The following DCST1 variants were observed in gnomAD, a reference collection of about 807,000 sequenced individuals.
The protein encoded by DCST1 is E3 ubiquitin-protein ligase DCST1.
A neutral mutation model predicts 89.1 loss-of-function variants in DCST1; 78 were observed. That is an observed-to-expected ratio of 0.88 (90% CI 0.73 to 1.06). DCST1 has a LOEUF of 1.06. Among genes scored for constraint, DCST1 ranks in the 50% least tolerant of loss-of-function variants. DCST1 has a pLI of 0.00. For missense variants in DCST1, 900 were observed against 928.6 expected, an observed-to-expected ratio of 0.97 and a Z score of 0.40; for synonymous variants, 364 against 371.9, an observed-to-expected ratio of 0.98 and a Z score of 0.24.
chr1:155,041,926 G>A, intron 8 of DCST1, 69 bp downstream of exon 8: 1 of 1,593,968 alleles, frequency 6.3e-7, no homozygotes, highest in Non-Finnish European at 8.6e-7. Context: ...CCACTGGTAG[G>A]TGACAGGCAG....
chr1:155,042,540 G>A (rs1660467909), intron 8 of DCST1, among the ~76,000 whole-genome samples, 195 bp from the exon 9 acceptor site: 1 of 152,194 alleles, frequency 6.6e-6, no homozygotes, highest in Non-Finnish European at 1.5e-5. Context: ...AAAAATGAGG[G>A]AACTCAGGTC....
In DCST1 at chr1:155,046,141, T is replaced by C. The variant is rs1660615627; in HGVS notation, c.1289T>C (p.Leu430Pro). 5.0e-6 allele frequency: 8 copies of C among 1,614,214 alleles called. No homozygotes were observed. The highest frequency in any genetic ancestry group is 1.3e-5 in the African/African-American group (1 of 75,038). Reference sequence around the variant, plus strand: ...GTTTTCCAGGGCAAACGGACTCTGCTGCCACTCCGCAAAGCTGAGGAGAAA... The same window carrying C: ...GTTTTCCAGGGCAAACGGACTCTGCCGCCACTCCGCAAAGCTGAGGAGAAA... ...RRKKLGKRTL[L>P]PLRKAEEKTV... Residue 430 changes from leucine to proline, a missense_variant, in exon 12 of 17, where the codon CTG (leucine) becomes CCG (proline). By Grantham distance (98) the Leu-to-Pro change is moderately conservative (BLOSUM62 -3). Transcript: ENST00000295542.
chr1:155,042,624 G>A, intron 8 of DCST1, 111 bp from the exon 9 acceptor site: 1 of 1,459,998 alleles, frequency 6.8e-7, no homozygotes, highest in South Asian at 1.2e-5. Flanking sequence ...CAAGCCATGG[G>A]CAGAGAGACA....
At position 155,046,481 on chromosome 1, in the gene DCST1, T is replaced by G; in HGVS notation, c.1490T>G (p.Phe497Cys). 6.2e-7 allele frequency: 1 copy of G among 1,613,762 alleles called. No homozygotes were observed. The highest frequency in any genetic ancestry group is 1.7e-4 in the Middle Eastern group (1 of 6,034). ...IRHHSFLQYS[F>C]RSSHKLEVKV... ...CACCACTCCTTCCTGCAGTACTCCT[T>G]CCGCAGTAAGCCCATCCCCCAGACA... Residue 497 changes from phenylalanine to cysteine, a missense_variant, in exon 13 of 17, where the codon TTC becomes TGC. Phe to Cys is a radical substitution (Grantham distance 205). Transcript: ENST00000295542.
At chr1:155,036,340 C>T (rs978193102) in intron 4 of DCST1, among the ~76,000 whole-genome samples, 5 of 152,216 alleles carry the variant, frequency 3.3e-5, no homozygotes, top group Non-Finnish European at 5.9e-5. Flanking sequence ...CACACAGCCC[C>T]TTAGATTTCT....
At chr1:155,043,593 C>A in intron 10 of DCST1, 84 bp downstream of exon 10, 1 of 1,428,746 alleles carries the variant, frequency 7.0e-7, no homozygotes, top group South Asian at 1.4e-5. Flanking sequence ...GGATGGAACC[C>A]TAGCACCTAT....
chr1:155,034,792 C>A (rs1353836301), intron 4 of DCST1, 65 bp downstream of exon 4: 39 of 1,556,114 alleles, frequency 2.5e-5, no homozygotes, highest in Non-Finnish European at 3.2e-5. Flanking sequence ...GTCCTGCATG[C>A]CCAGGAAGGA....
rs147244512 is a variant in DCST1 at position 155,039,509 on chromosome 1, C to T, written c.369C>T (p.Tyr123=). The T allele has an allele frequency of 2.8e-5, 45 of 1,599,670 alleles. No homozygotes were observed. Among genetic ancestry groups the T allele is most frequent in the African/African-American group, 1.5e-4 (11 of 74,618 alleles). The change falls in exon 5 of 17, where the codon TAC becomes TAT. Residue 123 remains tyrosine (Y), a synonymous_variant. Transcript: ENST00000295542. ...AAGGCAGGCTCTTTGTCCTGGGATACGCCTTGGCTGCCATCTATGTGGGTG... is the reference window on the plus strand; with the variant it reads ...AAGGCAGGCTCTTTGTCCTGGGATATGCCTTGGCTGCCATCTATGTGGGTG... ...GKEGRLFVLG[Y]ALAAIYVGPV...
At chr1:155,034,412 G>C (rs1660202541) in intron 2 of DCST1, 23 bp from the exon 3 acceptor site, 1 of 1,613,720 alleles carries the variant, frequency 6.2e-7, no homozygotes, top group African/African-American at 1.3e-5. Flanking sequence ...GTGGGCTGTT[G>C]AGCTACCCTG....
chr1:155,040,403 AC>A, intron 5 of DCST1, 81 bp from the exon 6 acceptor site: 1 of 1,470,488 alleles, frequency 6.8e-7, no homozygotes, highest in Non-Finnish European at 9.2e-7. Context: ...GGCGATGGGC[AC>A]TATTTGCAGA....
Position 155,041,794 on chromosome 1 carries a change from C to G in DCST1, c.829C>G (p.Pro277Ala). The change falls in exon 8 of 17, where the codon CCA becomes GCA. Residue 277 changes from proline to alanine, a missense_variant. Physicochemically the swap from Pro to Ala is conservative, Grantham distance 27. Transcript: ENST00000295542. ...ACAGTGCATGAAGCACATCTGGGTC[C>G]CACTCCTCACCCACCTGCTCTGCCT... Reference protein sequence around the residue: ...HEQCMKHIWVPLLTHLLCLPM... With the variant: ...HEQCMKHIWVALLTHLLCLPM... The G allele has an allele frequency of 6.2e-7, 1 of 1,614,252 alleles. No homozygotes were observed. The highest frequency in any genetic ancestry group is 8.5e-7 in the Non-Finnish European group (1 of 1,180,050).
chr1:155,044,032 C>T (rs1459424718), intron 10 of DCST1, among the ~76,000 whole-genome samples: 1 of 152,222 alleles, frequency 6.6e-6, no homozygotes, highest in Non-Finnish European at 1.5e-5. Context: ...CTCCCAAACA[C>T]CTGAGATGGG....
chr1:155,049,738 C>A (rs1660815129), intron 16 of DCST1, among the ~76,000 whole-genome samples: 2 of 152,080 alleles, frequency 1.3e-5, no homozygotes, highest in Admixed American at 6.6e-5. Flanking sequence ...ATACCCCCAG[C>A]CCCCATGACA....
chr1:155,044,159 A>G (rs1277770101), intron 10 of DCST1, among the ~76,000 whole-genome samples: 1 of 152,176 alleles, frequency 6.6e-6, no homozygotes, highest in African/African-American at 2.4e-5. Flanking sequence ...GGGAAGACAA[A>G]GATGAAGGAG....
Position 155,043,410 on chromosome 1 carries a change from A to AGGTGC in DCST1, c.1076_1080dup (p.Asp361CysfsTer95). 2 of 1,613,944 alleles carry AGGTGC rather than the reference A, an allele frequency of 1.2e-6. No individual in the cohort carries two copies. The highest frequency in any genetic ancestry group is 1.7e-6 in the Non-Finnish European group (2 of 1,179,938). On this transcript the variant is annotated frameshift_variant, in exon 10 of 17. Coordinates refer to ENST00000295542, the MANE Select transcript of DCST1 (RefSeq NM_152494.4). LOFTEE classifies it high-confidence loss of function. ...ACAAGCTGGGAGCGCGTGAGCACCG[A>AGGTGC]GGTGCGGGACTACGTGTACCGCCAG...
chr1:155,048,039 C>T lies in DCST1; in HGVS notation c.1756-18C>T. ...GGGGGATGCCTTTCTCTATCATTGA[C>T]CCCCTTCCTGCCCCCAGCGAGAGAA... On this transcript the variant is annotated intron_variant, in intron 15 of 16. Transcript: ENST00000295542. The T allele has an allele frequency of 6.2e-7, 1 of 1,613,710 alleles. No homozygotes were observed. The highest frequency in any genetic ancestry group is 1.1e-5 in the South Asian group (1 of 91,042).
At chr1:155,050,030 G>A (rs1453791488) in intron 16 of DCST1, among the ~76,000 whole-genome samples, 1 of 152,240 alleles carries the variant, frequency 6.6e-6, no homozygotes, top group Admixed American at 6.5e-5. Context: ...GGAAGGCTCT[G>A]AAGGCCAAGC....
chr1:155,038,603 G>A (rs571782982), intron 4 of DCST1, among the ~76,000 whole-genome samples: 8 of 152,218 alleles, frequency 5.3e-5, no homozygotes, highest in Admixed American at 3.3e-4. Flanking sequence ...TAGCTCCCCC[G>A]ACCAGCTTAT....
chr1:155,043,198 A>G (rs931583666), intron 9 of DCST1, among the ~76,000 whole-genome samples, 154 bp from the exon 10 acceptor site: 18 of 152,028 alleles, frequency 1.2e-4, no homozygotes, highest in African/African-American at 4.4e-4. Flanking sequence ...TGTGTCCAGG[A>G]GGGTGGTGAG....
Sources: gnomAD v4.1 joint callset for allele counts (sites outside exome capture counted in the v4.1 genomes callset) on GRCh38, gnomAD v4.1.1 for gene constraint, MANE v1.5 for transcripts, NCBI Gene and HGNC (gene_info 2026-07-23, HGNC 2026-07-21) for gene names.